The following CADM2 variants were observed in gnomAD, a reference collection of about 807,000 sequenced individuals.
The protein encoded by CADM2 is cell adhesion molecule 2.
A neutral mutation model predicts 49.8 loss-of-function variants in CADM2; 12 were observed. That is an observed-to-expected ratio of 0.24 (90% CI 0.15 to 0.39). CADM2 has a LOEUF of 0.39. Ranked by LOEUF, CADM2 falls within the 10% of genes least tolerant of loss-of-function variation. The pLI is 1.00. For synonymous variants in CADM2, 214 were observed against 175.4 expected, an observed-to-expected ratio of 1.22 and a Z score of -1.74; for missense variants, 378 against 492.3, an observed-to-expected ratio of 0.77 and a Z score of 2.20.
In CADM2 at chr3:85,278,248, C is replaced by T. The variant is rs1387648954; in HGVS notation, c.61+318580C>T. ...TTTACAACAGTTCCACTCACAAATT[C>T]TCTTTCCCAATAAATATGATCTCAC... On this transcript the variant is annotated intron_variant, in intron 1 of 9. Transcript: ENST00000383699. Among the ~76,000 whole-genome samples the T allele has an allele frequency of 2.0e-5, 3 of 151,398 alleles. 1 individual carries two copies. The East Asian group carries it at 5.8e-4, about 29-fold the overall frequency.
intron 1 of CADM2, among the ~76,000 whole-genome samples, chr3:85,441,059 G>A (rs925892368): frequency 6.6e-6 from 1 of 151,756 alleles, no homozygotes; most frequent in Non-Finnish European, 1.5e-5. Flanking sequence ...TTAATTATTA[G>A]ATTTTTTAAA....
chr3:85,614,092 A>G (rs1205061251), intron 1 of CADM2, among the ~76,000 whole-genome samples: 2 of 151,856 alleles, frequency 1.3e-5, no homozygotes, highest in African/African-American at 4.8e-5. Flanking sequence ...ATTAAAATAT[A>G]AAGATAATAA....
intron 1 of CADM2, among the ~76,000 whole-genome samples, chr3:85,171,551 T>A (rs2040627804): frequency 6.6e-6 from 1 of 152,200 alleles, no homozygotes; most frequent in African/African-American, 2.4e-5. Flanking sequence ...CCACAACTGT[T>A]ATTTTAGAGG....
At chr3:86,066,613 G>A (rs1295371093) in intron 9 of CADM2, 52 bp from the exon 10 acceptor site, 5 of 1,304,888 alleles carry the variant, frequency 3.8e-6, no homozygotes, top group African/African-American at 1.5e-5. Flanking sequence ...TTTAATGCTG[G>A]GTATTTTACC....
chr3:85,886,377 G>T (rs1426162528), intron 5 of CADM2, 50 bp downstream of exon 5: 1 of 1,391,372 alleles, frequency 7.2e-7, no homozygotes, highest in Non-Finnish European at 1.0e-6. Context: ...AAACCAGTAT[G>T]ACATGTTAAG....
chr3:85,302,102 C>T (rs1424485335), intron 1 of CADM2, among the ~76,000 whole-genome samples: 4 of 151,958 alleles, frequency 2.6e-5, no homozygotes, highest in Non-Finnish European at 2.9e-5. Context: ...AATTACTTTG[C>T]TTTAAACTGT....
chr3:85,867,545 A>G (rs1334804663), intron 3 of CADM2, among the ~76,000 whole-genome samples: 1 of 152,098 alleles, frequency 6.6e-6, no homozygotes, highest in Admixed American at 6.5e-5. Flanking sequence ...TTTCTTAGAT[A>G]AACAATAAAT....
intron 1 of CADM2, among the ~76,000 whole-genome samples, chr3:85,266,884 C>G (rs1368806844): frequency 3.3e-5 from 5 of 151,788 alleles, no homozygotes. Flanking sequence ...ATTTAAAAAT[C>G]TAACTAGCAG....
At chr3:85,833,278 T>TTTG (rs57879763) in intron 3 of CADM2, among the ~76,000 whole-genome samples, 7,744 of 151,032 alleles carry the variant, frequency 0.051, 217 homozygotes, top group Middle Eastern at 0.071. Flanking sequence ...TGCAGTTTTC[T>TTTG]TTGTTGTTGT....
intron 1 of CADM2, among the ~76,000 whole-genome samples, chr3:85,296,946 A>G (rs1378415377): frequency 6.6e-6 from 1 of 151,988 alleles, no homozygotes; most frequent in African/African-American, 2.4e-5. Context: ...TTTTAATTAT[A>G]TTTTATTGGG....
chr3:85,788,105 C>T (rs2071103978), intron 2 of CADM2, among the ~76,000 whole-genome samples: 1 of 152,002 alleles, frequency 6.6e-6, no homozygotes, highest in Non-Finnish European at 1.5e-5. Flanking sequence ...TTCTGGTGGG[C>T]AAGAATCATT....
At chr3:85,550,718 T>G (rs17458574) in intron 1 of CADM2, among the ~76,000 whole-genome samples, 77,833 of 151,916 alleles carry the variant, frequency 0.51, 23,017 homozygotes, top group East Asian at 0.85. Flanking sequence ...CATTACTCTG[T>G]ATCAAAAGAC....
At chr3:85,646,753 T>G (rs1476408836) in intron 1 of CADM2, among the ~76,000 whole-genome samples, 1 of 151,926 alleles carries the variant, frequency 6.6e-6, no homozygotes, top group Non-Finnish European at 1.5e-5. Flanking sequence ...TGACTTATAC[T>G]TGAAAACTAG....
At chr3:85,515,423 T>C (rs929477927) in intron 1 of CADM2, among the ~76,000 whole-genome samples, 6 of 54,160 alleles carry the variant, frequency 1.1e-4, no homozygotes, top group Non-Finnish European at 3.2e-4. Flanking sequence ...GTTTGTTTGT[T>C]TCTTTTTTTT....
intron 3 of CADM2, among the ~76,000 whole-genome samples, chr3:85,811,124 T>A (rs71316815): frequency 1.7e-3 from 252 of 152,324 alleles, no homozygotes; most frequent in Non-Finnish European, 3.0e-3. Flanking sequence ...AAATTTTAAT[T>A]TTTGGACATC....
intron 1 of CADM2, among the ~76,000 whole-genome samples, chr3:85,630,108 C>T (rs967988283): frequency 6.6e-6 from 1 of 151,910 alleles, no homozygotes; most frequent in African/African-American, 2.4e-5. Context: ...TGTTCTGTAA[C>T]ATTTTATCCT....
chr3:85,166,813 G>A (rs73843301), intron 1 of CADM2, among the ~76,000 whole-genome samples: 391 of 151,854 alleles, frequency 2.6e-3, no homozygotes, highest in African/African-American at 8.0e-3. Context: ...TTAAATACTC[G>A]GATGATGAAA....
Position 85,176,110 on chromosome 3 carries a change from A to G in CADM2, c.61+216442A>G, listed in dbSNP as rs892938151. Among the ~76,000 whole-genome samples, 14 of 152,056 alleles carry G rather than the reference A, an allele frequency of 9.2e-5. No homozygotes were observed. The South Asian group carries it at 1.2e-3, about 14-fold the overall frequency. ...GGGAAATGGTCAAGAGGAGAAATCA[A>G]TAACATTTAAAGTGTGGTCCAGGCC... On this transcript the variant is annotated intron_variant, in intron 1 of 9. Transcript: ENST00000383699.
At chr3:85,713,336 A>T (rs1334155832) in intron 1 of CADM2, among the ~76,000 whole-genome samples, 1 of 152,030 alleles carries the variant, frequency 6.6e-6, no homozygotes, top group East Asian at 1.9e-4. Context: ...TTTAGTACAG[A>T]CGGGGTTTCG....
Sources: allele counts gnomAD v4.1 joint callset (sites outside exome capture counted in the v4.1 genomes callset), GRCh38; gene constraint gnomAD v4.1.1; transcripts MANE v1.5; gene names NCBI Gene and HGNC (gene_info 2026-07-23, HGNC 2026-07-21).